Variants in GPC3 observed in about 807,000 individuals in gnomAD.
GPC3 encodes the protein glypican-3.
GPC3 carries 3 observed loss-of-function variants against 34.4 expected under a neutral mutation model. The observed-to-expected ratio is 0.09, with a 90% CI of 0.04 to 0.23. The LOEUF is 0.23. Among genes scored for constraint, GPC3 ranks in the 10% least tolerant of loss-of-function variants. The pLI is 1.00. For synonymous variants in GPC3, 177 were observed against 174.0 expected, an observed-to-expected ratio of 1.02 and a Z score of -0.13; for missense variants, 351 against 445.6, an observed-to-expected ratio of 0.79 and a Z score of 1.91.
chrX:133,641,646 T>C (rs1485659975), intron 6 of GPC3, among the ~76,000 whole-genome samples: 1 of 111,547 alleles, frequency 9.0e-6, no homozygotes, highest in Non-Finnish European at 1.9e-5. Flanking sequence ...GCACACTCCC[T>C]AGTTCATGTG....
chrX:133,951,531 C>T (rs1043178688), intron 2 of GPC3, among the ~76,000 whole-genome samples: 19 of 111,557 alleles, frequency 1.7e-4, no homozygotes, highest in African/African-American at 5.2e-4. Flanking sequence ...AGATTCAGCT[C>T]TCTGCTTCAA....
intron 7 of GPC3, among the ~76,000 whole-genome samples, chrX:133,560,694 A>G (rs1199402935): frequency 9.2e-6 from 1 of 108,977 alleles, no homozygotes; most frequent in African/African-American, 3.4e-5. Flanking sequence ...AGCTGAGATC[A>G]TGCCACTGCA....
In GPC3 at chrX:133,753,203, G is replaced by A. The variant is rs190654285; in HGVS notation, c.1032+279C>T. Reference sequence around the variant, plus strand: ...AACAAATGTCATTCCCTATGAAGACGATATTCTTTTTATTTCTATTTCATG... The same window carrying A: ...AACAAATGTCATTCCCTATGAAGACAATATTCTTTTTATTTCTATTTCATG... On this transcript the variant is annotated intron_variant, in intron 3 of 7. Coordinates refer to ENST00000370818, the MANE Select transcript of GPC3 (RefSeq NM_004484.4). Among the ~76,000 whole-genome samples, 582 of 112,070 alleles carry A rather than the reference G, an allele frequency of 5.2e-3. 1 individual carries two copies. Among genetic ancestry groups the A allele is most frequent in the Middle Eastern group, 9.2e-3 (2 of 217 alleles).
At chrX:133,958,705 T>A in intron 1 of GPC3, among the ~76,000 whole-genome samples, 1 of 91,610 alleles carries the variant, frequency 1.1e-5, no homozygotes, top group Admixed American at 1.2e-4. Context: ...ACCCCATCTC[T>A]ACTGAAAAAA....
In GPC3 at chrX:133,722,772, T is replaced by C. The variant is rs1394299260; in HGVS notation, c.1033-22744A>G. 4.5e-5 allele frequency among the ~76,000 whole-genome samples: 5 copies of C among 111,582 alleles called. No individual in the cohort carries two copies. In the Admixed American group the frequency reaches 4.8e-4, roughly 11 times the overall value. ...GCACTGTAAGCAGACCTCTGCTGAT[T>C]GGTTTTAGCAAAAGTTGTAATCAGA... On this transcript the variant is annotated intron_variant, in intron 3 of 7. Coordinates refer to ENST00000370818, the MANE Select transcript of GPC3 (RefSeq NM_004484.4).
chrX:133,596,755 C>T (rs1201068956), intron 6 of GPC3, among the ~76,000 whole-genome samples, 156 bp from the exon 7 acceptor site: 1 of 112,189 alleles, frequency 8.9e-6, no homozygotes, highest in African/African-American at 3.2e-5. Flanking sequence ...ACTGCTTATA[C>T]TCTTTAGAGT....
In GPC3 at chrX:133,887,448, C is replaced by T. The variant is rs748579914; in HGVS notation, c.337+65602G>A. Among the ~76,000 whole-genome samples the T allele has an allele frequency of 3.6e-5, 4 of 111,633 alleles. No homozygotes were observed. In the East Asian group the frequency reaches 1.1e-3, roughly 31 times the overall value. ...GATGTTGAGCATTTTTTTCATATAC[C>T]TGTTGGCCATTTGTATGTCTTCTTT... On this transcript the variant is annotated intron_variant, in intron 2 of 7. Coordinates refer to ENST00000370818, the MANE Select transcript of GPC3 (RefSeq NM_004484.4).
intron 2 of GPC3, among the ~76,000 whole-genome samples, chrX:133,925,565 G>A (rs1442386112): frequency 8.9e-6 from 1 of 112,108 alleles, no homozygotes; most frequent in South Asian, 3.7e-4. Flanking sequence ...TGGAAGAACC[G>A]TTAACTAATT....
intron 2 of GPC3, among the ~76,000 whole-genome samples, chrX:133,782,707 T>C (rs1265642828): frequency 1.8e-5 from 2 of 111,682 alleles, no homozygotes; most frequent in African/African-American, 6.5e-5. Context: ...CAAATACAAA[T>C]GAATTTTGGA....
At chrX:133,766,225 C>T (rs934943483) in intron 2 of GPC3, among the ~76,000 whole-genome samples, 1 of 112,044 alleles carries the variant, frequency 8.9e-6, no homozygotes, top group Non-Finnish European at 1.9e-5. Context: ...TACTTAAAGA[C>T]CATTTTTGAG....
At chrX:133,664,642 T>C (rs1429709342) in intron 5 of GPC3, among the ~76,000 whole-genome samples, 1 of 111,238 alleles carries the variant, frequency 9.0e-6, no homozygotes, top group Non-Finnish European at 1.9e-5. Context: ...AGCTGCCAAA[T>C]TGTTGGATGT....
At chrX:133,810,687 C>A (rs769851154) in intron 2 of GPC3, among the ~76,000 whole-genome samples, 3 of 108,676 alleles carry the variant, frequency 2.8e-5, no homozygotes, top group African/African-American at 1.0e-4. Context: ...GGGTGGATCA[C>A]GAGGTCAGGA....
chrX:133,661,965 T>C (rs1460257257), intron 5 of GPC3, 115 bp from the exon 6 acceptor site: 1 of 883,356 alleles, frequency 1.1e-6, no homozygotes, highest in Non-Finnish European at 1.6e-6. Context: ...GACGACCTCA[T>C]GGTGCAAAAG....
intron 2 of GPC3, among the ~76,000 whole-genome samples, chrX:133,862,004 G>A (rs975808552): frequency 9.9e-5 from 11 of 111,429 alleles, no homozygotes; most frequent in Non-Finnish European, 1.7e-4. Context: ...AATTAGTTTT[G>A]CATGTGATTA....
At chrX:133,982,415 A>G (rs917911605) in intron 1 of GPC3, among the ~76,000 whole-genome samples, 9 of 111,771 alleles carry the variant, frequency 8.1e-5, no homozygotes, top group African/African-American at 2.9e-4. Flanking sequence ...GGGACATGCT[A>G]TTTAGAACTG....
chrX:133,715,982 G>A (rs1393790126), intron 3 of GPC3, among the ~76,000 whole-genome samples: 2 of 111,805 alleles, frequency 1.8e-5, no homozygotes, highest in African/African-American at 6.5e-5. Flanking sequence ...GAGCACTTCA[G>A]CAAAGACTGA....
At chrX:133,642,772 CAAAAAAAAAA>C (rs375514321) in intron 6 of GPC3, among the ~76,000 whole-genome samples, 1 of 25,811 alleles carries the variant, frequency 3.9e-5, no homozygotes, top group East Asian at 1.6e-3. Context: ...AACTACGTCT[CAAAAAAAAAA>C]AAAAAAAAAA....
At chrX:133,538,418 A>G (rs1419726607) in intron 7 of GPC3, among the ~76,000 whole-genome samples, 1 of 111,558 alleles carries the variant, frequency 9.0e-6, no homozygotes, top group Non-Finnish European at 1.9e-5. Context: ...CCTGAATGCG[A>G]GCACTCTCAG....
In GPC3 at chrX:133,692,576, A is replaced by G. The variant is rs868738941; in HGVS notation, c.1167-82T>C. Reference sequence around the variant, plus strand: ...AGTTTAATTTCCTTATCAGCATGACAGAAAGGCTCTGCCAGGCTGATTAGA... The same window carrying G: ...AGTTTAATTTCCTTATCAGCATGACGGAAAGGCTCTGCCAGGCTGATTAGA... On this transcript the variant is annotated intron_variant, in intron 4 of 7. Transcript: ENST00000370818. 1.0e-4 allele frequency: 89 copies of G among 875,772 alleles called. No individual in the cohort carries two copies. The African/African-American group carries it at 1.5e-3, about 15-fold the overall frequency. 72.2% of individuals were successfully genotyped at this position (875,772 alleles called of 1,213,427 possible).
Sources: gnomAD v4.1 joint callset for allele counts (sites outside exome capture counted in the v4.1 genomes callset) on GRCh38, gnomAD v4.1.1 for gene constraint, MANE v1.5 for transcripts, NCBI Gene and HGNC (gene_info 2026-07-23, HGNC 2026-07-21) for gene names.